Variants in RABGAP1L observed in about 807,000 individuals in gnomAD.
RABGAP1L encodes RAB GTPase activating protein 1 like.
In RABGAP1L, 63 loss-of-function variants were observed where a neutral mutation model predicts 137.7. That is an observed-to-expected ratio of 0.46 (90% CI 0.37 to 0.56). The LOEUF is 0.56. RABGAP1L is among the 20% of genes least tolerant of loss of function. The pLI, the probability that RABGAP1L is intolerant of heterozygous loss-of-function variation, is 0.00. For synonymous variants in RABGAP1L, 431 were observed against 433.7 expected (o/e 0.99, Z 0.08); for missense variants, 1,095 against 1,244.0 (o/e 0.88, Z 1.80).
intron 19 of RABGAP1L, among the ~76,000 whole-genome samples, chr1:174,932,114 T>A (rs903564937): frequency 2.7e-5 from 4 of 148,654 alleles, no homozygotes; most frequent in African/African-American, 1.0e-4. Context: ...CAGAGTAGAA[T>A]TGGTAAATTA....
chr1:174,618,894 A>G (rs1001985981), intron 13 of RABGAP1L, among the ~76,000 whole-genome samples: 8 of 152,234 alleles, frequency 5.3e-5, no homozygotes, highest in Non-Finnish European at 1.0e-4. Flanking sequence ...AACTTTGAAA[A>G]AAATTTAGAC....
intron 13 of RABGAP1L, among the ~76,000 whole-genome samples, chr1:174,596,776 G>A (rs374251616): frequency 5.9e-5 from 9 of 152,106 alleles, no homozygotes; most frequent in Admixed American, 1.3e-4. Context: ...GTGAAAGTGG[G>A]CATCTTTGTC....
intron 13 of RABGAP1L, among the ~76,000 whole-genome samples, chr1:174,596,147 C>T (rs1350445467): frequency 3.6e-5 from 5 of 138,966 alleles, no homozygotes; most frequent in Admixed American, 7.0e-5. Flanking sequence ...CTTTCTTTGA[C>T]TCGGAAAGGG....
At chr1:174,802,053 A>C (rs1688807648) in intron 18 of RABGAP1L, among the ~76,000 whole-genome samples, 1 of 152,216 alleles carries the variant, frequency 6.6e-6, no homozygotes, top group Non-Finnish European at 1.5e-5. Flanking sequence ...AATATTTTGC[A>C]TACTCAACTC....
intron 16 of RABGAP1L, chr1:174,700,769 A>G (rs558456382): frequency 5.1e-5 from 10 of 198,004 alleles, no homozygotes; most frequent in African/African-American, 2.4e-4. Flanking sequence ...ATTAACAGCA[A>G]TAAGCTCCTT....
At chr1:174,349,099 G>C (rs1181585200) in intron 11 of RABGAP1L, among the ~76,000 whole-genome samples, 1 of 128,998 alleles carries the variant, frequency 7.8e-6, no homozygotes, top group Non-Finnish European at 1.6e-5. Flanking sequence ...CTGGCCGGGC[G>C]GGGGGCTGAC....
intron 11 of RABGAP1L, among the ~76,000 whole-genome samples, chr1:174,342,425 T>C (rs2148895172): frequency 6.6e-6 from 1 of 152,308 alleles, no homozygotes; most frequent in African/African-American, 2.4e-5. Context: ...AACGTGATTC[T>C]CTGTACTAAT....
At chr1:174,160,855 A>C (rs1024116336) in intron 1 of RABGAP1L, among the ~76,000 whole-genome samples, 2 of 152,162 alleles carry the variant, frequency 1.3e-5, no homozygotes, top group African/African-American at 4.8e-5. Flanking sequence ...TACGGATGTG[A>C]AGTTTGCTTT....
At chr1:174,907,829 C>T (rs943836608) in intron 19 of RABGAP1L, among the ~76,000 whole-genome samples, 3 of 152,138 alleles carry the variant, frequency 2.0e-5, no homozygotes, top group African/African-American at 7.2e-5. Context: ...AATAATAACA[C>T]TGAGTATAAA....
At chr1:174,435,923 G>C (rs560827810) in intron 13 of RABGAP1L, among the ~76,000 whole-genome samples, 12 of 151,698 alleles carry the variant, frequency 7.9e-5, no homozygotes, top group Middle Eastern at 3.4e-3. Flanking sequence ...TTTTGTCCTT[G>C]CTACAGTTTT....
chr1:174,747,803 G>A (rs1268756315), intron 17 of RABGAP1L, among the ~76,000 whole-genome samples: 3 of 151,656 alleles, frequency 2.0e-5, no homozygotes, highest in Non-Finnish European at 4.4e-5. Flanking sequence ...ACAATTAACA[G>A]TAGTTAATAA....
intron 13 of RABGAP1L, among the ~76,000 whole-genome samples, chr1:174,611,131 A>G (rs1243103459): frequency 1.3e-5 from 2 of 148,476 alleles, no homozygotes; most frequent in Non-Finnish European, 3.0e-5. Context: ...GTCCTTGCCC[A>G]TGCCTATGTC....
intron 13 of RABGAP1L, among the ~76,000 whole-genome samples, chr1:174,457,078 GA>G (rs1048265693): frequency 1.3e-5 from 2 of 152,144 alleles, no homozygotes; most frequent in Non-Finnish European, 2.9e-5. Context: ...GAATTTGAGG[GA>G]GAGATTGCAG....
At chr1:174,915,930 A>T (rs1660791140) in intron 19 of RABGAP1L, among the ~76,000 whole-genome samples, 1 of 152,020 alleles carries the variant, frequency 6.6e-6, no homozygotes, top group Non-Finnish European at 1.5e-5. Context: ...TAACTTAGCC[A>T]TTTTTTTCTT....
chr1:174,859,431 G>A (rs189340258), intron 19 of RABGAP1L, among the ~76,000 whole-genome samples: 16 of 148,278 alleles, frequency 1.1e-4, no homozygotes, highest in South Asian at 2.2e-4. Context: ...TGCAGTGAGC[G>A]GAGATTGTGC....
At chr1:174,605,155 A>C (rs901794483) in intron 13 of RABGAP1L, among the ~76,000 whole-genome samples, 6 of 119,234 alleles carry the variant, frequency 5.0e-5, no homozygotes, top group African/African-American at 1.8e-4. Context: ...CCAAACCAAA[A>C]CAAACAAACA....
At chr1:174,370,175 C>G (rs1428555927) in intron 11 of RABGAP1L, among the ~76,000 whole-genome samples, 1 of 152,168 alleles carries the variant, frequency 6.6e-6, no homozygotes, top group East Asian at 1.9e-4. Flanking sequence ...AGATTTTCAG[C>G]TATCTTATTT....
At chr1:174,864,275 G>C (rs1298383108) in intron 19 of RABGAP1L, among the ~76,000 whole-genome samples, 1 of 152,166 alleles carries the variant, frequency 6.6e-6, no homozygotes, top group Non-Finnish European at 1.5e-5. Flanking sequence ...TTACTTGTCT[G>C]AGGTTAAGTC....
chr1:174,619,282 T>C (rs12119609), intron 13 of RABGAP1L, among the ~76,000 whole-genome samples: 4,597 of 152,118 alleles, frequency 0.03, 118 homozygotes, highest in Middle Eastern at 0.092. Flanking sequence ...TCAGGAAATA[T>C]AGAGAATGCC....
Sources: allele counts gnomAD v4.1 joint callset (sites outside exome capture counted in the v4.1 genomes callset), GRCh38; gene constraint gnomAD v4.1.1; transcripts MANE v1.5; gene names NCBI Gene and HGNC (gene_info 2026-07-23, HGNC 2026-07-21).